The following GABRG3 variants were observed in gnomAD, a reference collection of about 807,000 sequenced individuals.
GABRG3 encodes gamma-aminobutyric acid receptor subunit gamma-3.
In GABRG3, 25 loss-of-function variants were observed where a neutral mutation model predicts 48.8. The observed-to-expected ratio is 0.51, with a 90% CI of 0.37 to 0.72. The LOEUF is 0.72. GABRG3 is among the 30% of genes least tolerant of loss of function. The pLI, the probability that GABRG3 is intolerant of heterozygous loss-of-function variation, is 0.00. For missense variants in GABRG3, 394 were observed against 577.9 expected (o/e 0.68, Z 3.26); for synonymous variants, 227 against 217.6 (o/e 1.04, Z -0.38).
chr15:27,326,633 A>G (rs879663108), intron 3 of GABRG3, among the ~76,000 whole-genome samples, 176 bp from the exon 4 acceptor site: 7 of 152,248 alleles, frequency 4.6e-5, no homozygotes, highest in African/African-American at 7.2e-5. Context: ...CTGTTGACAA[A>G]TAATATTGGT....
intron 5 of GABRG3, among the ~76,000 whole-genome samples, chr15:27,353,852 G>C (rs569686663): frequency 6.6e-6 from 1 of 152,284 alleles, no homozygotes; most frequent in South Asian, 2.1e-4. Context: ...CTCAGCCCTG[G>C]ACTCCATTTT....
intron 3 of GABRG3, among the ~76,000 whole-genome samples, chr15:27,216,770 A>ATTTATTTATTTT (rs1194749028): frequency 1.1e-5 from 1 of 89,430 alleles, no homozygotes; most frequent in Admixed American, 1.3e-4. Context: ...TTATTTATTT[A>ATTTATTTATTTT]TTTTTTAATT....
intron 3 of GABRG3, among the ~76,000 whole-genome samples, chr15:27,207,683 C>G (rs566255209): frequency 3.6e-4 from 55 of 152,248 alleles, no homozygotes; most frequent in African/African-American, 1.3e-3. Context: ...AGGAGAAGAG[C>G]CTGTGTTTGC....
chr15:27,298,067 T>G (rs1413635805), intron 3 of GABRG3, among the ~76,000 whole-genome samples: 1 of 151,966 alleles, frequency 6.6e-6, no homozygotes, highest in African/African-American at 2.4e-5. Context: ...AGCAAAAGAA[T>G]AAAAACATAC....
chr15:27,307,029 CAT>C (rs201671854), intron 3 of GABRG3, among the ~76,000 whole-genome samples: 2 of 109,646 alleles, frequency 1.8e-5, no homozygotes, highest in African/African-American at 4.5e-5. Context: ...TATATATAAA[CAT>C]GTATAAAATA....
chr15:27,278,615 G>A (rs1178685545), intron 3 of GABRG3, among the ~76,000 whole-genome samples: 1 of 152,102 alleles, frequency 6.6e-6, no homozygotes, highest in African/African-American at 2.4e-5. Context: ...TCCAACTTAT[G>A]TGTATCAATA....
intron 5 of GABRG3, among the ~76,000 whole-genome samples, chr15:27,439,185 C>T (rs538655419): frequency 3.3e-5 from 5 of 152,266 alleles, no homozygotes; most frequent in South Asian, 2.1e-4. Context: ...CTCCTCCAAA[C>T]GGGAGATGAA....
At chr15:27,196,013 AT>A (rs1293231800) in intron 3 of GABRG3, among the ~76,000 whole-genome samples, 9 of 152,118 alleles carry the variant, frequency 5.9e-5, no homozygotes, top group Non-Finnish European at 1.0e-4. Flanking sequence ...TGGATTCTGT[AT>A]ATACTTTTTT....
intron 3 of GABRG3, among the ~76,000 whole-genome samples, chr15:27,317,055 A>G (rs753328456): frequency 5.3e-5 from 8 of 152,180 alleles, no homozygotes; most frequent in Non-Finnish European, 1.0e-4. Flanking sequence ...TTGTCTTTCT[A>G]GGTCAGAGGT....
chr15:27,218,035 C>G (rs1377072088), intron 3 of GABRG3, among the ~76,000 whole-genome samples: 1 of 152,114 alleles, frequency 6.6e-6, no homozygotes, highest in Non-Finnish European at 1.5e-5. Context: ...TGCAGGGGAG[C>G]TTCCCGCGCT....
At chr15:27,111,519 G>T (rs952779695) in intron 3 of GABRG3, among the ~76,000 whole-genome samples, 2 of 152,136 alleles carry the variant, frequency 1.3e-5, no homozygotes, top group Non-Finnish European at 2.9e-5. Flanking sequence ...GAGGTTTCTC[G>T]CTAGACTGCT....
chr15:27,460,781 G>A (rs1009292213), intron 5 of GABRG3, among the ~76,000 whole-genome samples: 6 of 152,098 alleles, frequency 3.9e-5, no homozygotes, highest in African/African-American at 1.4e-4. Flanking sequence ...GAAGAAATTG[G>A]GAACAAAGAG....
At chr15:27,013,900 A>C (rs984492576) in intron 2 of GABRG3, among the ~76,000 whole-genome samples, 2 of 152,078 alleles carry the variant, frequency 1.3e-5, no homozygotes, top group African/African-American at 4.8e-5. Context: ...CCAAAAATGC[A>C]GTTGGCGTTT....
At chr15:27,206,678 G>A (rs1315860115) in intron 3 of GABRG3, among the ~76,000 whole-genome samples, 1 of 152,082 alleles carries the variant, frequency 6.6e-6, no homozygotes, top group Admixed American at 6.5e-5. Context: ...ATTTTGTGTG[G>A]TTATCTAAGT....
intron 3 of GABRG3, among the ~76,000 whole-genome samples, chr15:27,091,306 G>A (rs1227300863): frequency 1.3e-5 from 2 of 152,074 alleles, no homozygotes; most frequent in Admixed American, 6.5e-5. Flanking sequence ...CTGAATGACT[G>A]TTGCATTTCT....
intron 3 of GABRG3, among the ~76,000 whole-genome samples, chr15:27,119,442 C>T (rs1944330553): frequency 6.6e-6 from 1 of 152,138 alleles, no homozygotes; most frequent in African/African-American, 2.4e-5. Context: ...TGAAATATGT[C>T]CTGTAGACGT....
At chr15:27,481,137 A>G (rs1459964569) in intron 6 of GABRG3, 1 of 1,058,518 alleles carries the variant, frequency 9.4e-7, no homozygotes, top group Non-Finnish European at 1.1e-6. Flanking sequence ...AATATTATTG[A>G]GAATCCACAC....
chr15:27,007,916 C>T (rs1284858017), intron 2 of GABRG3, among the ~76,000 whole-genome samples: 1 of 152,060 alleles, frequency 6.6e-6, no homozygotes, highest in East Asian at 1.9e-4. Context: ...TTAATTAGGT[C>T]CCTTTTGTCA....
chr15:27,296,848 CTT>C (rs34801465), intron 3 of GABRG3, among the ~76,000 whole-genome samples: 3,266 of 147,014 alleles, frequency 0.022, 83 homozygotes, highest in East Asian at 0.092. Flanking sequence ...ACTCCTTCTA[CTT>C]TTTTTTTTTT....
Sources: allele counts gnomAD v4.1 joint callset (sites outside exome capture counted in the v4.1 genomes callset), GRCh38; gene constraint gnomAD v4.1.1; transcripts MANE v1.5; gene names NCBI Gene and HGNC (gene_info 2026-07-23, HGNC 2026-07-21).